ZNF558: variants seen among roughly 807,000 people sequenced by gnomAD.
ZNF558 encodes zinc finger protein 558.
A neutral mutation model predicts 37.6 loss-of-function variants in ZNF558; 23 were observed. The ratio of observed to expected loss-of-function variants is 0.61; its 90% CI spans 0.44 to 0.87. The LOEUF is 0.87. Among genes scored for constraint, ZNF558 ranks in the 40% least tolerant of loss-of-function variants. The pLI is 0.00. For synonymous variants in ZNF558, 189 were observed against 174.4 expected (o/e 1.08, Z -0.66); for missense variants, 429 against 483.7 (o/e 0.89, Z 1.06).
intron 4 of ZNF558, chr19:8,823,014 G>T: frequency 3.5e-6 from 1 of 285,630 alleles, no homozygotes; most frequent in Non-Finnish European, 7.0e-6. Flanking sequence ...CACCACAAAC[G>T]CATTCCCGGC....
intron 7 of ZNF558, among the ~76,000 whole-genome samples, chr19:8,814,022 G>A (rs1322218057): frequency 6.6e-6 from 1 of 152,170 alleles, no homozygotes; most frequent in Non-Finnish European, 1.5e-5. Context: ...AATTCCAAAC[G>A]TTCATCCCTC....
intron 1 of ZNF558, chr19:8,831,938 G>A (rs1454089020): frequency 6.6e-6 from 1 of 152,282 alleles, no homozygotes; most frequent in Non-Finnish European, 1.5e-5. Context: ...CACAATTTGT[G>A]AAAACCACAG....
chr19:8,811,815 C>T lies in ZNF558; in HGVS notation c.675G>A (p.Leu225=). 1 of 1,614,142 alleles carries T rather than the reference C, an allele frequency of 6.2e-7. No individual in the cohort carries two copies. ...KAFSDPSSLR[L]HLRIHTGEKP... ...TTTCTCCAGTGTGAATTCTCAAATG[C>T]AGTCTAAGGGATGAGGGATCACTAA... Residue 225 remains leucine, a synonymous_variant, in exon 10 of 10, where the codon CTG becomes CTA. Transcript: ENST00000601372.
At chr19:8,832,041 G>T (rs887348228) in intron 1 of ZNF558, 168 bp downstream of exon 1, 2 of 152,380 alleles carry the variant, frequency 1.3e-5, no homozygotes, top group African/African-American at 4.8e-5. Flanking sequence ...AGCGGCGCGG[G>T]GCCCCGACCC....
At position 8,811,925 on chromosome 19, in the gene ZNF558, AG is replaced by A; in HGVS notation, c.564del (p.Phe189SerfsTer39). On this transcript the variant is annotated frameshift_variant, in exon 10 of 10. Transcript: ENST00000601372. LOFTEE classifies it high-confidence loss of function. ...KPYDCSQCGK[S>X]FSSRSYLTIH... Reference sequence around the variant, plus strand: ...ATAGTAAGGTAAGATCTGCTACTGAAGGACTTCCCACATTGACTACAGTCAT... The same window carrying A: ...ATAGTAAGGTAAGATCTGCTACTGAAGACTTCCCACATTGACTACAGTCAT... The A allele has an allele frequency of 6.2e-7, 1 of 1,614,122 alleles. No individual in the cohort carries two copies. Among genetic ancestry groups the A allele is most frequent in the Non-Finnish European group, 8.5e-7 (1 of 1,180,030 alleles).
chr19:8,822,514 C>A lies in ZNF558; in HGVS notation c.31+115G>T, dbSNP rs573214457. 64 of 1,473,116 alleles carry A rather than the reference C, an allele frequency of 4.3e-5. No individual in the cohort carries two copies. The South Asian group carries it at 7.1e-4, about 16-fold the overall frequency. The allele number at this position is 1,473,116 out of a possible 1,614,324, so 91.3% of individuals were successfully genotyped here. A position where few individuals can be genotyped will look rare whatever the true frequency, so the allele number is the denominator to read the frequency against. On this transcript the variant is annotated intron_variant, in intron 5 of 9. Coordinates refer to ENST00000601372, the MANE Select transcript of ZNF558 (RefSeq NM_144693.3). The surrounding 1 kb of genome is among the most constrained non-coding windows in gnomAD (Gnocchi z 4.4). ...GATCAGACACGGAGGACCTCTGGGC[C>A]CCTGGGGCTCCACTCCTGCCTCACC...
In ZNF558 at chr19:8,830,211, C is replaced by T. The variant is rs559211770; in HGVS notation, c.-509+1107G>A. Among the ~76,000 whole-genome samples the T allele has an allele frequency of 2.6e-5, 4 of 151,702 alleles. No individual in the cohort carries two copies. In the South Asian group the frequency reaches 6.2e-4, roughly 24 times the overall value. ...CTTTCCCTTTGCTTTCTGCCATGAT[C>T]GTAAGTTTCCTGAGGCCTCCCCCGC... On this transcript the variant is annotated intron_variant, in intron 2 of 9. Transcript: ENST00000601372.
chr19:8,813,631 C>T (rs2043855398), intron 7 of ZNF558, among the ~76,000 whole-genome samples: 1 of 152,174 alleles, frequency 6.6e-6, no homozygotes, highest in African/African-American at 2.4e-5. Context: ...TCCCAAAGTG[C>T]TGGGATTACA....
intron 7 of ZNF558, among the ~76,000 whole-genome samples, chr19:8,815,797 A>AAG (rs145744383): frequency 0.015 from 2,228 of 148,086 alleles, 44 homozygotes; most frequent in African/African-American, 0.046. Context: ...CTCAAAGATA[A>AAG]AGAGAGAGAG....
intron 2 of ZNF558, among the ~76,000 whole-genome samples, chr19:8,825,651 T>A (rs887286620): frequency 6.6e-6 from 1 of 152,138 alleles, no homozygotes; most frequent in Non-Finnish European, 1.5e-5. Context: ...GTGACCTCCA[T>A]GACATGAACC....
intron 7 of ZNF558, among the ~76,000 whole-genome samples, chr19:8,815,940 G>A (rs184441060): frequency 1.5e-3 from 206 of 141,644 alleles, no homozygotes; most frequent in African/African-American, 6.1e-3. Flanking sequence ...TGAGAAGGTT[G>A]AAGAAATAAT....
intron 7 of ZNF558, among the ~76,000 whole-genome samples, chr19:8,815,610 G>T (rs772391999): frequency 6.6e-6 from 1 of 151,930 alleles, no homozygotes; most frequent in African/African-American, 2.4e-5. Flanking sequence ...GTGAGATCCT[G>T]ACTCTACAAA....
At chr19:8,817,574 G>C (rs1263812256) in intron 7 of ZNF558, among the ~76,000 whole-genome samples, 1 of 151,338 alleles carries the variant, frequency 6.6e-6, no homozygotes, top group Non-Finnish European at 1.5e-5. Context: ...TTGACTTATG[G>C]TATTTTTAAC....
chr19:8,829,294 G>C (rs1170812050), intron 2 of ZNF558, among the ~76,000 whole-genome samples: 2 of 152,026 alleles, frequency 1.3e-5, no homozygotes, highest in Admixed American at 6.6e-5. Context: ...AAAGCCACTG[G>C]GGAGGCCAGG....
chr19:8,821,879 G>T, intron 6 of ZNF558, 124 bp downstream of exon 6: 1 of 1,528,006 alleles, frequency 6.5e-7, no homozygotes, highest in Non-Finnish European at 8.8e-7. Context: ...TCCATCTGAT[G>T]CCTGGAAATC....
At chr19:8,835,126 A>ACATG (rs2044441490), upstream of ZNF558, among the ~76,000 whole-genome samples, 2 of 150,846 alleles carry the variant, frequency 1.3e-5, no homozygotes, top group Non-Finnish European at 2.9e-5. Flanking sequence ...ATTTTGGCTC[A>ACATG]CTGCATCCTC....
rs1315806180 is a variant in ZNF558, at chr19:8,807,765, T to C, written c.*3516A>G. ...GCTTTTTTTTCCTATAACTCTATAA[T>C]ACCATATTTTCTTGATTTTTCTATA... On this transcript the variant is annotated 3_prime_UTR_variant, in exon 10 of 10. Transcript: ENST00000601372. 6 of 152,192 alleles carry C rather than the reference T, an allele frequency of 3.9e-5. No individual in the cohort carries two copies. The highest frequency in any genetic ancestry group is 1.9e-4 in the East Asian group (1 of 5,190). The allele number at this position is 152,192 out of a possible 1,614,324, so 9.4% of individuals were successfully genotyped here. A position where few individuals can be genotyped will look rare whatever the true frequency, so the allele number is the denominator to read the frequency against.
chr19:8,814,261 C>T (rs1247196326), intron 7 of ZNF558, among the ~76,000 whole-genome samples: 1 of 152,136 alleles, frequency 6.6e-6, no homozygotes, highest in East Asian at 1.9e-4. Flanking sequence ...CAGAACAGAC[C>T]TTACTCTGTG....
chr19:8,819,145 A>G (rs2044017409), intron 7 of ZNF558, among the ~76,000 whole-genome samples: 1 of 152,172 alleles, frequency 6.6e-6, no homozygotes, highest in Non-Finnish European at 1.5e-5. Context: ...GAGCACAAGC[A>G]AAAAAGAAAA....
Sources: gnomAD v4.1 joint callset for allele counts (sites outside exome capture counted in the v4.1 genomes callset) on GRCh38, gnomAD v4.1.1 for gene constraint, Gnocchi (gnomAD v3.1) non-coding constraint, MANE v1.5 for transcripts, NCBI Gene and HGNC (gene_info 2026-07-23, HGNC 2026-07-21) for gene names.